Variants in TTC7A observed in about 807,000 individuals in gnomAD.
TTC7A encodes tetratricopeptide repeat protein 7A.
A neutral mutation model predicts 103.7 loss-of-function variants in TTC7A; 110 were observed. The ratio of observed to expected loss-of-function variants is 1.06; its 90% CI spans 0.91 to 1.24. The LOEUF is 1.24. Among genes scored for constraint, TTC7A ranks in the 50% most tolerant of loss-of-function variants. The pLI, the probability that TTC7A is intolerant of heterozygous loss-of-function variation, is 0.00. For missense variants in TTC7A, 1,340 were observed against 1,116.3 expected (o/e 1.20, Z -2.86); for synonymous variants, 521 against 467.9 (o/e 1.11, Z -1.47).
chr2:46,936,517 G>C (rs1040502253), upstream of TTC7A, among the ~76,000 whole-genome samples: 4 of 152,240 alleles, frequency 2.6e-5, no homozygotes, highest in South Asian at 2.1e-4. Flanking sequence ...TAGCTATGAG[G>C]CTGGGGGGTC....
At chr2:46,922,273 T>TA (rs1270673409) in intron 2 of TTC7A, among the ~76,000 whole-genome samples, 2 of 152,222 alleles carry the variant, frequency 1.3e-5, no homozygotes, top group Non-Finnish European at 2.9e-5. Flanking sequence ...TCTCAGCACT[T>TA]ACTCATGGTT....
At chr2:47,051,718 G>A in intron 17 of TTC7A, 28 bp from the exon 18 acceptor site, 1 of 1,598,378 alleles carries the variant, frequency 6.3e-7, no homozygotes, top group South Asian at 1.1e-5. Flanking sequence ...TCTGACCACT[G>A]CTCGGCTCGT....
chr2:47,053,983 G>GT, intron 18 of TTC7A: 1 of 397,076 alleles, frequency 2.5e-6, no homozygotes, highest in South Asian at 1.1e-4. Flanking sequence ...TCCAAGTAAG[G>GT]TTAAAGGCCC....
chr2:46,938,669 G>T (rs1429064748), upstream of TTC7A, among the ~76,000 whole-genome samples: 1 of 152,076 alleles, frequency 6.6e-6, no homozygotes, highest in African/African-American at 2.4e-5. Flanking sequence ...TTCTCTTATA[G>T]TCAATAAATT....
chr2:46,926,488 C>T (rs1288834355), intron 2 of TTC7A, among the ~76,000 whole-genome samples: 6 of 152,142 alleles, frequency 3.9e-5, no homozygotes, highest in Non-Finnish European at 1.5e-5. Flanking sequence ...AGGAAGACTT[C>T]CCTCTATGAT....
At position 46,997,083 on chromosome 2, in the gene TTC7A, A is replaced by T. The variant is rs559679942; in HGVS notation, c.1065+1884A>T. 1.2e-4 allele frequency among the ~76,000 whole-genome samples: 19 copies of T among 152,062 alleles called. 1 individual carries two copies. The Middle Eastern group carries it at 0.017, about 136-fold the overall frequency. The stretch of plus-strand genomic sequence containing the variant: ...AACCTCTGTCTCCCAGGTTAAAGCG[A>T]TTCTTCTGTCTCAGCTTCCCGAGTG... On this transcript the variant is annotated intron_variant, in intron 8 of 19. Transcript: ENST00000319190.
At chr2:47,039,587 C>T (rs557890979) in intron 15 of TTC7A, among the ~76,000 whole-genome samples, 1 of 152,346 alleles carries the variant, frequency 6.6e-6, no homozygotes, top group African/African-American at 2.4e-5. Context: ...GCCATACTTA[C>T]TCATTTCTGA....
rs1670989536 is a variant in TTC7A at position 46,946,901 on chromosome 2, T to C, written c.185-3462T>C. Among the ~76,000 whole-genome samples, 5 of 152,136 alleles carry C rather than the reference T, an allele frequency of 3.3e-5. No homozygotes were observed. In the South Asian group the frequency reaches 1.0e-3, roughly 32 times the overall value. On this transcript the variant is annotated intron_variant, in intron 1 of 19. Coordinates refer to ENST00000319190, the MANE Select transcript of TTC7A (RefSeq NM_020458.4). ...AAGAAAGTGAATTTTTGCTGCCTGC[T>C]GAGTGTCTGGCCATGTTTGTTTACC...
intron 19 of TTC7A, among the ~76,000 whole-genome samples, chr2:47,062,525 C>T (rs958522847): frequency 2.0e-5 from 3 of 152,168 alleles, no homozygotes; most frequent in South Asian, 4.1e-4. Flanking sequence ...ATAAATGCCT[C>T]GCCAGAGGTC....
intron 12 of TTC7A, 40 bp from the exon 13 acceptor site, chr2:47,023,368 G>A (rs1184210751): frequency 6.2e-7 from 1 of 1,611,592 alleles, no homozygotes; most frequent in East Asian, 2.2e-5. Context: ...GCACCCTTCA[G>A]TGACCCCTGA....
intron 8 of TTC7A, among the ~76,000 whole-genome samples, 161 bp downstream of exon 8, chr2:46,995,360 C>G (rs898006092): frequency 2.0e-5 from 3 of 152,210 alleles, no homozygotes; most frequent in Non-Finnish European, 4.4e-5. Flanking sequence ...TACAGCAAGT[C>G]TTGCTCATTA....
At chr2:46,993,329 T>C (rs902395693) in intron 5 of TTC7A, 121 bp from the exon 6 acceptor site, 1 of 878,186 alleles carries the variant, frequency 1.1e-6, no homozygotes, top group African/African-American at 1.7e-5. Context: ...ACTCCAGTTA[T>C]CGAATGTGTT....
At position 47,046,447 on chromosome 2, in the gene TTC7A, T is replaced by C; in HGVS notation, c.1919+16T>C. The C allele has an allele frequency of 6.2e-7, 1 of 1,606,986 alleles. No homozygotes were observed. The highest frequency in any genetic ancestry group is 8.5e-7 in the Non-Finnish European group (1 of 1,173,598). On this transcript the variant is annotated intron_variant, in intron 16 of 19. Coordinates refer to ENST00000319190, the MANE Select transcript of TTC7A (RefSeq NM_020458.4). ...CCCAGCTGGGGTGAGTGGCCGTCATTGTCTCTTGGGTTGCCAGAGGGTGGT... is the reference window on the plus strand; with the variant it reads ...CCCAGCTGGGGTGAGTGGCCGTCATCGTCTCTTGGGTTGCCAGAGGGTGGT...
intron 3 of TTC7A, chr2:46,958,661 G>T (rs1672109894): frequency 1.4e-6 from 1 of 716,674 alleles, no homozygotes; most frequent in Middle Eastern, 5.3e-4. Context: ...CTCTCTGCCT[G>T]TCCTCCTCCC....
chr2:46,941,130 C>G (rs1225234434), upstream of TTC7A: 1 of 147,616 alleles, frequency 6.8e-6, no homozygotes, highest in Non-Finnish European at 1.5e-5. The surrounding 1 kb of genome is among the most constrained non-coding windows in gnomAD (Gnocchi z 4.2). Context: ...CCAGCGAGCC[C>G]GGCTCGCCGA....
chr2:47,068,752 A>G (rs1295813256), intron 19 of TTC7A, among the ~76,000 whole-genome samples: 3 of 151,312 alleles, frequency 2.0e-5, no homozygotes, highest in African/African-American at 7.3e-5. Flanking sequence ...TTAAGCTGAT[A>G]TAGGCTCCTG....
At chr2:46,934,784 G>GCC (rs1669882063) in intron 2 of TTC7A, among the ~76,000 whole-genome samples, 3 of 81,916 alleles carry the variant, frequency 3.7e-5, no homozygotes, top group Admixed American at 3.5e-4. Context: ...GAAGACTACT[G>GCC]CTCTTTTTTT....
intron 2 of TTC7A, among the ~76,000 whole-genome samples, chr2:46,935,636 G>A (rs572544791): frequency 2.1e-4 from 32 of 152,200 alleles, no homozygotes; most frequent in African/African-American, 4.6e-4. Flanking sequence ...ATTGAGGCCC[G>A]CAGTGATCCA....
chr2:46,951,245 T>G (rs1457121178), intron 2 of TTC7A, among the ~76,000 whole-genome samples: 1 of 151,936 alleles, frequency 6.6e-6, no homozygotes, highest in African/African-American at 2.4e-5. Flanking sequence ...ACTTTGCTGC[T>G]CAAAATGTGG....
Sources: allele counts gnomAD v4.1 joint callset (sites outside exome capture counted in the v4.1 genomes callset), GRCh38; gene constraint gnomAD v4.1.1; non-coding constraint Gnocchi (gnomAD v3.1); transcripts MANE v1.5; gene names NCBI Gene and HGNC (gene_info 2026-07-23, HGNC 2026-07-21).